Variants in TMX1 observed in about 807,000 individuals in gnomAD.
TMX1 encodes thioredoxin-related transmembrane protein 1.
In TMX1, 25 loss-of-function variants were observed where a neutral mutation model predicts 36.6. The observed-to-expected ratio is 0.68, with a 90% CI of 0.50 to 0.95. TMX1 has a LOEUF of 0.95. Among genes scored for constraint, TMX1 ranks in the 40% least tolerant of loss-of-function variants. TMX1 has a pLI of 0.00. For missense variants in TMX1, 347 were observed against 339.6 expected (o/e 1.02, Z -0.17); for synonymous variants, 133 against 118.0 (o/e 1.13, Z -0.82).
chr14:51,252,280 T>C (rs1274860532), intron 7 of TMX1, among the ~76,000 whole-genome samples: 1 of 149,988 alleles, frequency 6.7e-6, no homozygotes, highest in Non-Finnish European at 1.5e-5. Flanking sequence ...AAGAAATCTT[T>C]CCCTTTAAAT....
At chr14:51,248,153 A>G (rs980661411) in intron 4 of TMX1, among the ~76,000 whole-genome samples, 2 of 152,228 alleles carry the variant, frequency 1.3e-5, no homozygotes, top group African/African-American at 4.8e-5. Context: ...GCAACTGGCT[A>G]TGGAGTGATA....
At chr14:51,252,068 G>C (rs899158436) in intron 7 of TMX1, among the ~76,000 whole-genome samples, 1 of 151,742 alleles carries the variant, frequency 6.6e-6, no homozygotes, top group African/African-American at 2.4e-5. Context: ...AACAAGATGG[G>C]TAAGTCAGTG....
At chr14:51,250,314 T>TA (rs1330312679) in intron 7 of TMX1, among the ~76,000 whole-genome samples, 8 of 152,246 alleles carry the variant, frequency 5.3e-5, no homozygotes, top group African/African-American at 1.9e-4. Context: ...AACTTTTACT[T>TA]ATCTGTTACC....
At chr14:51,246,212 C>T (rs2065784943) in intron 3 of TMX1, among the ~76,000 whole-genome samples, 1 of 152,108 alleles carries the variant, frequency 6.6e-6, no homozygotes, top group Non-Finnish European at 1.5e-5. Flanking sequence ...TTCAGTCTCT[C>T]CCTTTGCTTT....
At chr14:51,253,565 T>C (rs946755326) in intron 7 of TMX1, among the ~76,000 whole-genome samples, 3 of 152,206 alleles carry the variant, frequency 2.0e-5, no homozygotes, top group African/African-American at 4.8e-5. Flanking sequence ...TCTGAGATCA[T>C]TGAACAGAGT....
chr14:51,249,881 T>C, intron 7 of TMX1, 116 bp downstream of exon 7: 1 of 751,542 alleles, frequency 1.3e-6, no homozygotes, highest in Non-Finnish European at 2.1e-6. Context: ...CTGTGGATTG[T>C]TGGTCTTTAT....
chr14:51,249,591 T>A (rs755580705), intron 6 of TMX1, 22 bp downstream of exon 6: 27 of 1,605,008 alleles, frequency 1.7e-5, no homozygotes, highest in Non-Finnish European at 2.1e-5. Context: ...ATTTTTGGAG[T>A]GCTAGGAAGA....
At position 51,240,263 on chromosome 14, in the gene TMX1, G is replaced by A. The variant is rs1248950218; in HGVS notation, c.-30G>A. 1 of 1,602,346 alleles carries A rather than the reference G, an allele frequency of 6.2e-7. No homozygotes were observed. The highest frequency in any genetic ancestry group is 1.7e-5 in the Admixed American group (1 of 59,870). ...GAGGGCGGAAGTGGGAGCTGCGACC[G>A]CGCTCCCTGTGAGGTGGGCAAGCGG... On this transcript the variant is annotated 5_prime_UTR_variant, in exon 1 of 8. Coordinates refer to ENST00000457354, the MANE Select transcript of TMX1 (RefSeq NM_030755.5).
intron 4 of TMX1, 133 bp from the exon 5 acceptor site, chr14:51,249,192 TC>T (rs2065799712): frequency 3.2e-6 from 2 of 631,222 alleles, no homozygotes; most frequent in East Asian, 2.8e-5. Flanking sequence ...AGGCATGAAA[TC>T]AGTGATGTGT....
At position 51,243,865 on chromosome 14, in the gene TMX1, G is replaced by T; in HGVS notation, c.162G>T (p.Pro54=). The change falls in exon 2 of 8, where the codon CCG becomes CCT. Residue 54 remains proline (P), a synonymous_variant. Coordinates refer to ENST00000457354, the MANE Select transcript of TMX1 (RefSeq NM_030755.5). ...AATCTGTATTTCTTAGTTATGCCCC[G>T]TGGTGCCCTGCTTGTCAAAATCTTC... The part of the protein sequence containing the change: ...EGDWMIEFYA[P]WCPACQNLQP... The T allele has an allele frequency of 6.2e-7, 1 of 1,607,168 alleles. No individual in the cohort carries two copies. Among genetic ancestry groups the T allele is most frequent in the Non-Finnish European group, 8.5e-7 (1 of 1,176,686 alleles).
At chr14:51,247,477 C>T (rs1000023351) in intron 4 of TMX1, among the ~76,000 whole-genome samples, 8 of 151,372 alleles carry the variant, frequency 5.3e-5, no homozygotes, top group African/African-American at 2.0e-4. Flanking sequence ...CTGCCTCAGC[C>T]TCCCGAGTAG....
At chr14:51,254,272 T>C in intron 7 of TMX1, 69 bp from the exon 8 acceptor site, 1 of 1,411,686 alleles carries the variant, frequency 7.1e-7, no homozygotes, top group South Asian at 1.6e-5. Flanking sequence ...TGAGACATTG[T>C]ATCTTGATTT....
chr14:51,247,291 G>T, intron 4 of TMX1, 71 bp downstream of exon 4: 1 of 1,490,940 alleles, frequency 6.7e-7, no homozygotes, highest in Non-Finnish European at 9.0e-7. Flanking sequence ...TTTATGTAAA[G>T]CATTCATACT....
chr14:51,249,648 G>T, intron 6 of TMX1, 45 bp from the exon 7 acceptor site: 2 of 1,594,044 alleles, frequency 1.3e-6, no homozygotes, highest in Non-Finnish European at 1.7e-6. Flanking sequence ...ATTAGCTGTG[G>T]CATATATTCT....
At chr14:51,244,793 A>C (rs748229977) in intron 2 of TMX1, among the ~76,000 whole-genome samples, 4 of 152,220 alleles carry the variant, frequency 2.6e-5, no homozygotes, top group African/African-American at 9.6e-5. Flanking sequence ...ACAGATAAGA[A>C]AACTGAGGCA....
rs1353434333 is a variant in TMX1, at chr14:51,256,674, T to C, written c.*2155T>C. The C allele has an allele frequency of 2.0e-5, 3 of 152,166 alleles. No homozygotes were observed. The highest frequency in any genetic ancestry group is 2.9e-5 in the Non-Finnish European group (2 of 68,016). 9.4% of individuals were successfully genotyped at this position (152,166 alleles called of 1,614,324 possible). A position where few individuals can be genotyped will look rare whatever the true frequency, so the allele number is the denominator to read the frequency against. Reference sequence around the variant, plus strand: ...AATACTTAATGATTATCAGAAAGACTGAAAAAAGTTTTAATGAAGAATTCT... The same window carrying C: ...AATACTTAATGATTATCAGAAAGACCGAAAAAAGTTTTAATGAAGAATTCT... On this transcript the variant is annotated 3_prime_UTR_variant, in exon 8 of 8. Transcript: ENST00000457354.
intron 3 of TMX1, chr14:51,245,865 A>G (rs909255850): frequency 6.0e-5 from 12 of 199,060 alleles, no homozygotes; most frequent in Admixed American, 3.2e-4. Context: ...TGGGTAGAGT[A>G]ATAGGTGACA....
rs2065841197 is a variant in TMX1 at position 51,256,923 on chromosome 14, G to A, written c.*2404G>A. 2 of 151,412 alleles carry A rather than the reference G, an allele frequency of 1.3e-5. No individual in the cohort carries two copies. Among genetic ancestry groups the A allele is most frequent in the African/African-American group, 4.9e-5 (2 of 41,234 alleles). The allele number at this position is 151,412 out of a possible 1,614,324, so 9.4% of individuals were successfully genotyped here. A position where few individuals can be genotyped will look rare whatever the true frequency, so the allele number is the denominator to read the frequency against. ...GTTTTTGTTTTTTTTCTTCAGTGTG[G>A]GTACATGAAATTCAGCAATCTCTTA... On this transcript the variant is annotated 3_prime_UTR_variant, in exon 8 of 8. Coordinates refer to ENST00000457354, the MANE Select transcript of TMX1 (RefSeq NM_030755.5).
chr14:51,242,877 A>G (rs975845262), intron 1 of TMX1, among the ~76,000 whole-genome samples: 41 of 152,236 alleles, frequency 2.7e-4, no homozygotes, highest in Non-Finnish European at 2.9e-5. Flanking sequence ...AATTATCTAC[A>G]GTAAATCCAT....
Sources: allele counts gnomAD v4.1 joint callset (sites outside exome capture counted in the v4.1 genomes callset), GRCh38; gene constraint gnomAD v4.1.1; transcripts MANE v1.5; gene names NCBI Gene and HGNC (gene_info 2026-07-23, HGNC 2026-07-21).